The following ECE1 variants were observed in gnomAD, a reference collection of about 807,000 sequenced individuals.
ECE1 encodes endothelin-converting enzyme 1.
Under a neutral mutation model 98.6 loss-of-function variants are expected in ECE1, and 35 were observed. The observed-to-expected ratio is 0.35, with a 90% CI of 0.27 to 0.47. The LOEUF is 0.47. Among genes scored for constraint, ECE1 ranks in the 20% least tolerant of loss-of-function variants. The pLI, the probability that ECE1 is intolerant of heterozygous loss-of-function variation, is 1.00. For missense variants in ECE1, 814 were observed against 1,025.3 expected (o/e 0.79, Z 2.81); for synonymous variants, 394 against 407.1 (o/e 0.97, Z 0.39).
At chr1:21,326,838 A>T in intron 1 of ECE1, among the ~76,000 whole-genome samples, 1 of 152,076 alleles carries the variant, frequency 6.6e-6, no homozygotes, top group East Asian at 1.9e-4. Context: ...CCCACTGAGC[A>T]CAGAGAGGGT....
upstream of ECE1, among the ~76,000 whole-genome samples, chr1:21,291,888 T>A (rs2098266887): frequency 6.6e-6 from 1 of 151,788 alleles, no homozygotes; most frequent in South Asian, 2.1e-4. Flanking sequence ...TCCCAGCACT[T>A]TGGGAGGCTG....
At chr1:21,303,682 T>A (rs1319983268) in intron 1 of ECE1, among the ~76,000 whole-genome samples, 2 of 152,156 alleles carry the variant, frequency 1.3e-5, no homozygotes, top group African/African-American at 4.8e-5. Context: ...AGGGTCTCAA[T>A]CTGTCCCTCA....
At chr1:21,263,663 T>C (rs1450526595) in intron 4 of ECE1, among the ~76,000 whole-genome samples, 1 of 22,998 alleles carries the variant, frequency 4.3e-5, no homozygotes, top group Non-Finnish European at 6.6e-5. Flanking sequence ...CAAGATTCCC[T>C]TTTTTTTTTT....
At chr1:21,335,154 G>T (rs1313338471) in intron 1 of ECE1, among the ~76,000 whole-genome samples, 1 of 152,002 alleles carries the variant, frequency 6.6e-6, no homozygotes. Flanking sequence ...TCCGGCAGCC[G>T]GGAACTCTCA....
intron 8 of ECE1, among the ~76,000 whole-genome samples, chr1:21,252,110 G>A (rs961121353): frequency 2.0e-5 from 3 of 152,180 alleles, no homozygotes; most frequent in African/African-American, 7.2e-5. Context: ...ATAAACTGCA[G>A]ACAACTGGAA....
Position 21,327,546 on chromosome 1 carries a change from C to T in ECE1, c.3+17830G>A, listed in dbSNP as rs1286740193. 6.6e-6 allele frequency among the ~76,000 whole-genome samples: 1 copy of T among 152,158 alleles called. No homozygotes were observed. Among genetic ancestry groups the T allele is most frequent in the East Asian group, 1.9e-4 (1 of 5,184 alleles). ...TCCCTGCTGACACCCCTTCGAGAAC[C>T]GGGAGACCTCCACCCTGCTTGTTAC... is the stretch of plus-strand genomic sequence containing the variant. On this transcript the variant is annotated intron_variant, in intron 1 of 18. Coordinates refer to the ECE1 transcript ENST00000415912. The surrounding 1 kb of genome is among the most constrained non-coding windows in gnomAD (Gnocchi z 4.6).
intron 8 of ECE1, among the ~76,000 whole-genome samples, chr1:21,253,906 T>C (rs4654913): frequency 0.14 from 20,206 of 147,870 alleles, 1,873 homozygotes; most frequent in East Asian, 0.47. Context: ...CCGACTCTAC[T>C]AAAAATACAA....
intron 7 of ECE1, 137 bp downstream of exon 7, chr1:21,257,388 G>A (rs2098221189): frequency 1.1e-6 from 1 of 923,436 alleles, no homozygotes; most frequent in Admixed American, 2.0e-5. Context: ...CCCTGCCAGG[G>A]TCTGCCTGTT....
rs565760540 is a variant in ECE1, at chr1:21,327,778, G to A, written c.3+17598C>T. ...ACCAGTCCATGGCCTGTTAGGAACC[G>A]GGCCGCACAGCAGGAGGTGAGCTGT... On this transcript the variant is annotated intron_variant, in intron 1 of 18. Coordinates refer to the ECE1 transcript ENST00000415912. This position sits in a 1 kb window ranked among gnomAD's most constrained non-coding sequence, Gnocchi z 4.6. Among the ~76,000 whole-genome samples the A allele has an allele frequency of 1.2e-3, 187 of 152,254 alleles. No homozygotes were observed. Among genetic ancestry groups the A allele is most frequent in the Non-Finnish European group, 2.0e-3 (134 of 68,024 alleles).
chr1:21,298,001 G>A (rs1241290266), intron 1 of ECE1: 1 of 152,322 alleles, frequency 6.6e-6, no homozygotes, highest in African/African-American at 2.4e-5. Flanking sequence ...ACCATGCCTA[G>A]CTAATTTTAA....
At chr1:21,273,485 A>T (rs1216104371) in intron 3 of ECE1, among the ~76,000 whole-genome samples, 1 of 152,106 alleles carries the variant, frequency 6.6e-6, no homozygotes, top group Non-Finnish European at 1.5e-5. Context: ...CAGTAGGAGA[A>T]ATGTCTGTCC....
At chr1:21,311,155 T>C (rs1376598373) in intron 1 of ECE1, among the ~76,000 whole-genome samples, 3 of 152,148 alleles carry the variant, frequency 2.0e-5, no homozygotes, top group Non-Finnish European at 2.9e-5. Flanking sequence ...ATGGGGGCTG[T>C]TGTTTTCAGA....
intron 12 of ECE1, among the ~76,000 whole-genome samples, chr1:21,236,225 C>T (rs1179397253): frequency 6.6e-6 from 1 of 152,272 alleles, no homozygotes; most frequent in African/African-American, 2.4e-5. Flanking sequence ...CACCTTTTCC[C>T]CGTACACTCA....
intron 1 of ECE1, among the ~76,000 whole-genome samples, chr1:21,337,498 G>A (rs993677437): frequency 2.6e-5 from 4 of 152,306 alleles, no homozygotes; most frequent in East Asian, 1.9e-4. Context: ...TTTGTAAAAC[G>A]TGAGCTGTAC....
In ECE1 at chr1:21,225,193, G is replaced by T; in HGVS notation, c.2040+57C>A. ...TGTCCGTGATGATCCTCTACGGACA[G>T]GCATCTGGAAGGAGCCAGCACTGGG... On this transcript the variant is annotated intron_variant, in intron 17 of 18. Transcript: ENST00000374893. This position sits in a 1 kb window ranked among gnomAD's most constrained non-coding sequence, Gnocchi z 5.3. The T allele has an allele frequency of 6.3e-7, 1 of 1,597,224 alleles. No homozygotes were observed. Among genetic ancestry groups the T allele is most frequent in the Non-Finnish European group, 8.6e-7 (1 of 1,168,958 alleles).
At chr1:21,257,821 G>T (rs913712447) in intron 6 of ECE1, among the ~76,000 whole-genome samples, 2 of 152,214 alleles carry the variant, frequency 1.3e-5, no homozygotes, top group African/African-American at 4.8e-5. Context: ...CCTCAGAAGG[G>T]CTGGACAGAG....
rs1472042727 is a variant in ECE1 at position 21,233,381 on chromosome 1, C to T, written c.1670+177G>A. On this transcript the variant is annotated intron_variant, in intron 14 of 18. Transcript: ENST00000374893. The surrounding 1 kb of genome is among the most constrained non-coding windows in gnomAD (Gnocchi z 4.0). ...CCCAGCTCCTAGCTGGGCCATACTT[C>T]TTTTGCCCTTGGTTTCTTCATCTGA... The T allele has an allele frequency of 3.4e-6, 2 of 591,064 alleles. No individual in the cohort carries two copies. Among genetic ancestry groups the T allele is most frequent in the Non-Finnish European group, 6.0e-6 (2 of 335,364 alleles). The allele number at this position is 591,064 out of a possible 1,614,324, so 36.6% of individuals were successfully genotyped here.
At chr1:21,288,997 G>T (rs990864587) in intron 2 of ECE1, among the ~76,000 whole-genome samples, 3 of 152,200 alleles carry the variant, frequency 2.0e-5, no homozygotes, top group Admixed American at 2.0e-4. Context: ...TGACCCTGGA[G>T]GAGGAACTCC....
At position 21,319,782 on chromosome 1, in the gene ECE1, G is replaced by A. The variant is rs540903915; in HGVS notation, c.3+25594C>T. ...CCCAGAGGGCCAACAAGCAGTCTGG[G>A]TGTTTACATTAGTTCAGCTGAGACA... On this transcript the variant is annotated intron_variant, in intron 1 of 18. Coordinates refer to the ECE1 transcript ENST00000415912. The surrounding 1 kb of genome is among the most constrained non-coding windows in gnomAD (Gnocchi z 4.4). Among the ~76,000 whole-genome samples, 1 of 152,288 alleles carries A rather than the reference G, an allele frequency of 6.6e-6. No individual in the cohort carries two copies. Among genetic ancestry groups the A allele is most frequent in the East Asian group, 1.9e-4 (1 of 5,186 alleles).
Sources: allele counts gnomAD v4.1 joint callset (sites outside exome capture counted in the v4.1 genomes callset), GRCh38; gene constraint gnomAD v4.1.1; non-coding constraint Gnocchi (gnomAD v3.1); transcripts MANE v1.5; gene names NCBI Gene and HGNC (gene_info 2026-07-23, HGNC 2026-07-21).